GNB1: variants seen among roughly 807,000 people sequenced by gnomAD.
GNB1 encodes the protein G protein subunit beta 1.
Under a neutral mutation model 42.9 loss-of-function variants are expected in GNB1, and 2 were observed. That is an observed-to-expected ratio of 0.05 (90% CI 0.02 to 0.15). GNB1 has a LOEUF of 0.15. GNB1 is among the 10% of genes least tolerant of loss of function. The pLI, the probability that GNB1 is intolerant of heterozygous loss-of-function variation, is 1.00. For missense variants in GNB1, 193 were observed against 462.2 expected (o/e 0.42, Z 5.34); for synonymous variants, 183 against 174.7 (o/e 1.05, Z -0.38).
intron 2 of GNB1, among the ~76,000 whole-genome samples, chr1:1,828,197 T>G (rs1647025248): frequency 6.6e-6 from 1 of 152,148 alleles, no homozygotes; most frequent in Admixed American, 6.6e-5. Flanking sequence ...GGTGTGTGCC[T>G]GTAATCCCAG....
intron 2 of GNB1, among the ~76,000 whole-genome samples, chr1:1,829,332 G>A (rs999737103): frequency 4.6e-5 from 7 of 152,138 alleles, no homozygotes; most frequent in Non-Finnish European, 8.8e-5. Context: ...CGGGATTACA[G>A]GTATGAGCCA....
chr1:1,823,242 GAAAAA>G (rs745874003), intron 3 of GNB1, among the ~76,000 whole-genome samples: 4 of 36,844 alleles, frequency 1.1e-4, no homozygotes, highest in Non-Finnish European at 2.3e-4. Flanking sequence ...ACTGTCTCCA[GAAAAA>G]AAAAAAAAAA....
chr1:1,843,440 T>C lies in GNB1; in HGVS notation c.-95-4202A>G, dbSNP rs532527081. Among the ~76,000 whole-genome samples the C allele has an allele frequency of 8.5e-5, 13 of 152,242 alleles. No homozygotes were observed. The East Asian group carries it at 2.5e-3, about 29-fold the overall frequency. The stretch of plus-strand genomic sequence containing the variant: ...TGGGGTCTTGCCATACTGCGCAGGC[T>C]GGTCTTTAACTCCTGGGCTCAAACG... On this transcript the variant is annotated intron_variant, in intron 1 of 11. Transcript: ENST00000378609.
chr1:1,837,214 A>G (rs992295055), intron 2 of GNB1, among the ~76,000 whole-genome samples: 6 of 151,680 alleles, frequency 4.0e-5, no homozygotes, highest in Admixed American at 3.9e-4. Context: ...CATTTTTTCT[A>G]ATTTTACGTT....
intron 5 of GNB1, among the ~76,000 whole-genome samples, chr1:1,812,135 A>G (rs1557895950): frequency 6.6e-6 from 1 of 152,086 alleles, no homozygotes; most frequent in African/African-American, 2.4e-5. Flanking sequence ...AAGCAATAAC[A>G]TTTGTTTATG....
At chr1:1,802,331 G>A (rs1646636728) in intron 7 of GNB1, among the ~76,000 whole-genome samples, 3 of 152,102 alleles carry the variant, frequency 2.0e-5, no homozygotes, top group Admixed American at 2.0e-4. Flanking sequence ...GATACCAAGT[G>A]TGTCTTTAAG....
At chr1:1,816,102 G>A (rs912945364) in intron 4 of GNB1, among the ~76,000 whole-genome samples, 13 of 152,160 alleles carry the variant, frequency 8.5e-5, no homozygotes, top group Admixed American at 2.0e-4. Context: ...GCACGCACAC[G>A]AACATGGCCA....
chr1:1,846,587 T>C (rs550000371), intron 1 of GNB1, among the ~76,000 whole-genome samples: 39 of 152,088 alleles, frequency 2.6e-4, no homozygotes, highest in African/African-American at 8.9e-4. Flanking sequence ...AATCAATCAA[T>C]CAGAGTCTCA....
At chr1:1,824,882 T>C (rs543542170) in intron 3 of GNB1, 1 of 152,340 alleles carries the variant, frequency 6.6e-6, no homozygotes, top group South Asian at 2.1e-4. Flanking sequence ...GCCTCTATCT[T>C]GGATTTAGAT....
intron 1 of GNB1, among the ~76,000 whole-genome samples, chr1:1,869,339 C>G (rs569146897): frequency 6.6e-6 from 1 of 152,222 alleles, no homozygotes; most frequent in South Asian, 2.1e-4. Flanking sequence ...CTATAAGAAT[C>G]CAAAAAACAG....
At chr1:1,818,748 A>G (rs1427858899) in intron 3 of GNB1, among the ~76,000 whole-genome samples, 1 of 152,142 alleles carries the variant, frequency 6.6e-6, no homozygotes, top group Non-Finnish European at 1.5e-5. Context: ...CTGTAATCCC[A>G]GCTACTCAGG....
intron 2 of GNB1, among the ~76,000 whole-genome samples, chr1:1,838,423 A>G (rs1395792423): frequency 6.6e-6 from 1 of 150,460 alleles, no homozygotes; most frequent in East Asian, 1.9e-4. Context: ...TTCCTGAATC[A>G]TGTTCACCTT....
intron 4 of GNB1, among the ~76,000 whole-genome samples, chr1:1,816,644 C>CTTTTTTTTTTTTTTT (rs59065707): frequency 4.6e-5 from 5 of 108,638 alleles, no homozygotes; most frequent in Non-Finnish European, 7.6e-5. Flanking sequence ...TTTTTATTAT[C>CTTTTTTTTTTTTTTT]TTTTTTTTTT....
chr1:1,788,764 G>A, intron 10 of GNB1: 1 of 352,480 alleles, frequency 2.8e-6, no homozygotes, highest in Non-Finnish European at 5.4e-6. Context: ...GAGTTCAGAG[G>A]GGAAAGCACG....
chr1:1,804,334 T>G, intron 7 of GNB1, 85 bp downstream of exon 7: 1 of 822,044 alleles, frequency 1.2e-6, no homozygotes, highest in Non-Finnish European at 2.0e-6. Context: ...AAAAAATGAT[T>G]GATAAAAAGT....
intron 1 of GNB1, among the ~76,000 whole-genome samples, chr1:1,840,907 T>C (rs1647223802): frequency 1.3e-5 from 2 of 152,242 alleles, no homozygotes; most frequent in Admixed American, 1.3e-4. Flanking sequence ...TTTTTTTATT[T>C]TTGAGACAGC....
At chr1:1,880,567 CAGAG>C (rs746241718) in intron 1 of GNB1, among the ~76,000 whole-genome samples, 11 of 151,418 alleles carry the variant, frequency 7.3e-5, no homozygotes, top group East Asian at 1.9e-4. Context: ...GCCTGGGCGA[CAGAG>C]AGAGACTCCA....
chr1:1,849,153 G>T (rs1289251773), intron 1 of GNB1, among the ~76,000 whole-genome samples: 1 of 152,222 alleles, frequency 6.6e-6, no homozygotes, highest in Non-Finnish European at 1.5e-5. Context: ...CCAAGGCTCA[G>T]GGGAGCTTCC....
At chr1:1,806,950 G>A (rs1646703182) in intron 5 of GNB1, among the ~76,000 whole-genome samples, 1 of 152,078 alleles carries the variant, frequency 6.6e-6, no homozygotes, top group South Asian at 2.1e-4. Flanking sequence ...CACCAGCCTG[G>A]GCAACAGAGT....
Sources: allele counts gnomAD v4.1 joint callset (sites outside exome capture counted in the v4.1 genomes callset), GRCh38; gene constraint gnomAD v4.1.1; transcripts MANE v1.5; gene names NCBI Gene and HGNC (gene_info 2026-07-23, HGNC 2026-07-21).